Variants in DPP10 observed in about 807,000 individuals in gnomAD.
DPP10 encodes the protein dipeptidyl peptidase like 10, also known as inactive dipeptidyl peptidase 10.
In DPP10, 33 loss-of-function variants were observed where a neutral mutation model predicts 120.9. The observed-to-expected ratio is 0.27, with a 90% CI of 0.21 to 0.37. The LOEUF is 0.37. Among genes scored for constraint, DPP10 ranks in the 10% least tolerant of loss-of-function variants. The pLI is 1.00. For missense variants in DPP10, 816 were observed against 942.8 expected (o/e 0.87, Z 1.76); for synonymous variants, 337 against 326.1 (o/e 1.03, Z -0.36).
intron 1 of DPP10, among the ~76,000 whole-genome samples, chr2:115,179,968 T>C (rs2053965854): frequency 6.6e-6 from 1 of 152,198 alleles, no homozygotes; most frequent in South Asian, 2.1e-4. Context: ...TAGAGCTTTT[T>C]AAAATCAAAT....
intron 4 of DPP10, among the ~76,000 whole-genome samples, chr2:115,509,611 A>C (rs994024719): frequency 6.6e-6 from 1 of 152,168 alleles, no homozygotes; most frequent in Admixed American, 6.5e-5. Context: ...GGTTACAGTG[A>C]GCTGAGATTG....
chr2:114,941,941 C>A (rs1696932987), intron 1 of DPP10, among the ~76,000 whole-genome samples: 1 of 151,980 alleles, frequency 6.6e-6, no homozygotes, highest in Non-Finnish European at 1.5e-5. Context: ...AAATGTAGCT[C>A]ATATGACCTC....
chr2:115,371,604 T>G (rs975232213), intron 3 of DPP10, among the ~76,000 whole-genome samples: 1 of 152,174 alleles, frequency 6.6e-6, no homozygotes, highest in East Asian at 1.9e-4. Context: ...TTACTTAAAT[T>G]GTATTTATCA....
intron 1 of DPP10, among the ~76,000 whole-genome samples, chr2:114,886,823 A>G (rs1433351096): frequency 6.6e-6 from 1 of 152,136 alleles, no homozygotes; most frequent in African/African-American, 2.4e-5. Flanking sequence ...CACAGGGGCT[A>G]CCTGGAAAAG....
intron 13 of DPP10, among the ~76,000 whole-genome samples, chr2:115,769,023 C>T (rs1169266410): frequency 1.3e-5 from 2 of 151,544 alleles, no homozygotes; most frequent in African/African-American, 4.8e-5. Context: ...AGGGTTTATA[C>T]AGTTTTATTA....
At chr2:115,541,081 T>C (rs1558822074) in intron 5 of DPP10, among the ~76,000 whole-genome samples, 1 of 151,892 alleles carries the variant, frequency 6.6e-6, no homozygotes, top group Non-Finnish European at 1.5e-5. Flanking sequence ...AAATAATGAA[T>C]GTTGTTAATA....
intron 1 of DPP10, among the ~76,000 whole-genome samples, chr2:114,588,041 G>A (rs1306546130): frequency 2.6e-5 from 4 of 152,154 alleles, no homozygotes; most frequent in South Asian, 2.1e-4. Flanking sequence ...TAGAAGCTGC[G>A]CTATTTTAGC....
chr2:114,505,850 C>G (rs1244669692), intron 1 of DPP10, among the ~76,000 whole-genome samples: 1 of 152,196 alleles, frequency 6.6e-6, no homozygotes, highest in East Asian at 1.9e-4. Flanking sequence ...CAAAACCGTA[C>G]AGTTTATCAT....
chr2:115,501,669 G>C (rs553659078), intron 4 of DPP10, among the ~76,000 whole-genome samples: 1 of 152,104 alleles, frequency 6.6e-6, no homozygotes, highest in East Asian at 1.9e-4. Flanking sequence ...AGGGGTTAGG[G>C]GAGTGGAAGG....
chr2:115,382,851 A>G (rs1170470855), intron 3 of DPP10, among the ~76,000 whole-genome samples: 1 of 152,212 alleles, frequency 6.6e-6, no homozygotes, highest in Non-Finnish European at 1.5e-5. Flanking sequence ...AATGCTGAGG[A>G]TGGATATTTG....
chr2:114,530,423 C>A (rs750189713), intron 1 of DPP10, among the ~76,000 whole-genome samples: 2 of 152,080 alleles, frequency 1.3e-5, no homozygotes, highest in South Asian at 2.1e-4. Context: ...GTGAAAGTAG[C>A]CTTCCATGAT....
At chr2:114,964,497 G>A (rs1352256544) in intron 1 of DPP10, among the ~76,000 whole-genome samples, 1 of 152,104 alleles carries the variant, frequency 6.6e-6, no homozygotes, top group Admixed American at 6.5e-5. Context: ...ATCCATGGAA[G>A]TCTTCCCCGA....
At chr2:115,399,608 C>T (rs769080986) in intron 3 of DPP10, among the ~76,000 whole-genome samples, 6 of 151,992 alleles carry the variant, frequency 3.9e-5, no homozygotes, top group Non-Finnish European at 5.9e-5. Context: ...TAGTTTTATG[C>T]GTTTCTTTAT....
intron 8 of DPP10, among the ~76,000 whole-genome samples, chr2:115,729,982 CAAAG>C (rs752902032): frequency 2.6e-5 from 4 of 152,216 alleles, no homozygotes; most frequent in Admixed American, 2.0e-4. Flanking sequence ...AAATTTGAGA[CAAAG>C]GAAGGTAGCA....
chr2:115,737,601 T>C (rs1007149456), intron 8 of DPP10, among the ~76,000 whole-genome samples: 1 of 152,092 alleles, frequency 6.6e-6, no homozygotes, highest in East Asian at 1.9e-4. Flanking sequence ...AGTCACAAGG[T>C]TCAGGACATA....
chr2:115,758,677 A>AACTC (rs1248154536), intron 11 of DPP10, among the ~76,000 whole-genome samples: 1 of 152,170 alleles, frequency 6.6e-6, no homozygotes, highest in Non-Finnish European at 1.5e-5. Context: ...TGAAGGAGTT[A>AACTC]GCCCTACCTG....
rs370122794 is a variant in DPP10, at chr2:115,780,900, G to A, written c.1388G>A (p.Arg463His). The change falls in exon 16 of 26, where the codon CGC becomes CAC. Residue 463 changes from arginine (R) to histidine (H), a missense_variant. By Grantham distance (29) the Arg-to-His change is conservative. This residue lies in a region of DPP10 where 592 missense variants were observed against 649.0 expected (regional missense o/e 0.91). Transcript: ENST00000410059. ...GCTTCTACTGAAGGATTATTGAATC[G>A]CCAATGCATTTCATGTAATTTCATG... Reference protein sequence around the residue: ...YSASTEGLLNRQCISCNFMKE... With the variant: ...YSASTEGLLNHQCISCNFMKE... 34 of 1,600,844 alleles carry A rather than the reference G, an allele frequency of 2.1e-5. No homozygotes were observed. Among genetic ancestry groups the A allele is most frequent in the African/African-American group, 5.4e-5 (4 of 74,564 alleles).
chr2:115,196,719 T>C (rs1237348653), intron 1 of DPP10, among the ~76,000 whole-genome samples: 1 of 152,166 alleles, frequency 6.6e-6, no homozygotes, highest in African/African-American at 2.4e-5. Flanking sequence ...CCATGTTCTT[T>C]TGGAGATTGT....
chr2:115,249,002 T>C (rs1188286886), intron 1 of DPP10, among the ~76,000 whole-genome samples: 1 of 152,136 alleles, frequency 6.6e-6, no homozygotes, highest in Non-Finnish European at 1.5e-5. Context: ...CCAAATCTTA[T>C]TGAAGTTTTG....
Sources: gnomAD v4.1 joint callset for allele counts (sites outside exome capture counted in the v4.1 genomes callset) on GRCh38, gnomAD v4.1.1 for gene constraint, gnomAD v4.1.1 regional missense constraint, MANE v1.5 for transcripts, NCBI Gene and HGNC (gene_info 2026-07-23, HGNC 2026-07-21) for gene names.